ANKRD33B: variants seen among roughly 807,000 people sequenced by gnomAD.
ANKRD33B encodes the protein ankyrin repeat domain 33B, also known as ankyrin repeat domain-containing protein 33B.
A neutral mutation model predicts 21.5 loss-of-function variants in ANKRD33B; 6 were observed. That is an observed-to-expected ratio of 0.28 (90% CI 0.15 to 0.55). The LOEUF (loss-of-function observed/expected upper bound fraction) is 0.55. ANKRD33B is among the 20% of genes least tolerant of loss of function. The pLI is 0.94. For synonymous variants in ANKRD33B, 347 were observed against 342.4 expected (o/e 1.01, Z -0.15); for missense variants, 698 against 747.2 (o/e 0.93, Z 0.77).
chr5:10,650,071 G>A lies in ANKRD33B; in HGVS notation c.1443G>A (p.Ala481=), dbSNP rs1431975126. Residue 481 remains alanine (A), a synonymous_variant, in exon 4 of 4, where the codon GCG becomes GCA. Transcript: ENST00000296657. ...CCGAAAAGAAGCGCCAGGCCGAGGC[G>A]CAGAAGGAGAGGCGCACTGCGCCCT... is the stretch of plus-strand genomic sequence containing the variant. ...EEAEKKRQAE[A]QKERRTAPWK... 2.0e-6 allele frequency: 3 copies of A among 1,529,970 alleles called. No homozygotes were observed. The African/African-American group carries it at 4.1e-5, about 21-fold the overall frequency. 94.8% of individuals were successfully genotyped at this position (1,529,970 alleles called of 1,614,324 possible).
chr5:10,566,363 T>C (rs1364639831), intron 1 of ANKRD33B, among the ~76,000 whole-genome samples: 1 of 152,240 alleles, frequency 6.6e-6, no homozygotes, highest in Non-Finnish European at 1.5e-5. Context: ...TCTCAAGTTC[T>C]ACATTTGGTT....
chr5:10,605,405 A>G (rs765686447), intron 1 of ANKRD33B, among the ~76,000 whole-genome samples: 2 of 152,204 alleles, frequency 1.3e-5, no homozygotes, highest in Non-Finnish European at 2.9e-5. Flanking sequence ...CAGGGTATGG[A>G]ATGAATAAGA....
At chr5:10,605,678 G>A (rs1031790061) in intron 1 of ANKRD33B, among the ~76,000 whole-genome samples, 3 of 152,154 alleles carry the variant, frequency 2.0e-5, no homozygotes, top group Admixed American at 6.5e-5. Context: ...ACAGGCACTC[G>A]CCACCATGCC....
chr5:10,568,456 G>A (rs1392888535), intron 1 of ANKRD33B, among the ~76,000 whole-genome samples: 1 of 152,228 alleles, frequency 6.6e-6, no homozygotes. Flanking sequence ...ATGTCAGACA[G>A]CTCTTGGACT....
At chr5:10,601,269 G>A (rs1022068141) in intron 1 of ANKRD33B, among the ~76,000 whole-genome samples, 4 of 152,162 alleles carry the variant, frequency 2.6e-5, no homozygotes, top group Non-Finnish European at 2.9e-5. Context: ...AAGACCCTGC[G>A]TGGTTCTCCA....
In ANKRD33B at chr5:10,638,104, C is replaced by A. The variant is rs545140816; in HGVS notation, c.573C>A (p.Phe191Leu). The change falls in exon 3 of 4, where the codon TTC becomes TTA. Residue 191 changes from phenylalanine (F) to leucine (L), a missense_variant. Coordinates refer to ENST00000296657, the MANE Select transcript of ANKRD33B (RefSeq NM_001164440.2). ...LDLERRNAFG[F>L]TALMKAAMQG... The stretch of plus-strand genomic sequence containing the variant: ...TTGAAAGGAGGAACGCGTTCGGGTT[C>A]ACCGCCCTGATGAAAGCCGCCATGC... 1 of 1,537,518 alleles carries A rather than the reference C, an allele frequency of 6.5e-7. No homozygotes were observed. The highest frequency in any genetic ancestry group is 1.2e-5 in the South Asian group (1 of 84,062).
At chr5:10,623,215 C>T (rs760846331) in intron 2 of ANKRD33B, among the ~76,000 whole-genome samples, 1 of 152,172 alleles carries the variant, frequency 6.6e-6, no homozygotes, top group African/African-American at 2.4e-5. Flanking sequence ...GGTCTCAAAG[C>T]GTCCCCATAG....
At chr5:10,567,625 A>G (rs814579) in intron 1 of ANKRD33B, among the ~76,000 whole-genome samples, 141,983 of 152,254 alleles carry the variant, frequency 0.93, 67,042 homozygotes, top group East Asian at 1. Flanking sequence ...CCAAGCCTAC[A>G]GAACCTGGAG....
chr5:10,648,674 G>C (rs368354925), intron 3 of ANKRD33B, among the ~76,000 whole-genome samples: 2 of 152,296 alleles, frequency 1.3e-5, no homozygotes, highest in African/African-American at 4.8e-5. Context: ...CAGGAGAGTC[G>C]CTTGAACCCG....
intron 2 of ANKRD33B, among the ~76,000 whole-genome samples, chr5:10,633,259 GC>G (rs1736773919): frequency 6.6e-6 from 1 of 150,942 alleles, no homozygotes; most frequent in Admixed American, 6.6e-5. Context: ...ACGCCACCAC[GC>G]CCAGCTAATT....
At chr5:10,631,655 A>G (rs897988673) in intron 2 of ANKRD33B, among the ~76,000 whole-genome samples, 3 of 152,220 alleles carry the variant, frequency 2.0e-5, no homozygotes, top group African/African-American at 7.2e-5. Context: ...TCCATAAGCT[A>G]TGGGAGAAGC....
chr5:10,626,254 AGAG>A (rs770253721), intron 2 of ANKRD33B, among the ~76,000 whole-genome samples: 3 of 152,244 alleles, frequency 2.0e-5, no homozygotes, highest in Non-Finnish European at 4.4e-5. Context: ...AGGGCAAGGA[AGAG>A]GAGAAGCAAT....
intron 1 of ANKRD33B, among the ~76,000 whole-genome samples, chr5:10,602,626 C>T (rs984201004): frequency 1.3e-5 from 2 of 152,114 alleles, no homozygotes; most frequent in African/African-American, 2.4e-5. Flanking sequence ...TGGGAGCCTC[C>T]GGAGTGGGAA....
chr5:10,576,064 A>G lies in ANKRD33B; in HGVS notation c.366+11231A>G, dbSNP rs1735315340. ...ATTCCAGCAATGTCAAGTTCGTGGC[A>G]TTGTTATTGTACAGTAATTGTGGAA... On this transcript the variant is annotated intron_variant, in intron 1 of 3. Transcript: ENST00000296657. The surrounding 1 kb of genome is among the most constrained non-coding windows in gnomAD (Gnocchi z 4.1). 6.6e-6 allele frequency among the ~76,000 whole-genome samples: 1 copy of G among 152,184 alleles called. No individual in the cohort carries two copies. The highest frequency in any genetic ancestry group is 6.5e-5 in the Admixed American group (1 of 15,280).
chr5:10,631,025 A>G (rs6875071), intron 2 of ANKRD33B, among the ~76,000 whole-genome samples: 34,809 of 152,054 alleles, frequency 0.23, 4,077 homozygotes, highest in Middle Eastern at 0.34. Flanking sequence ...GGGTCTTATG[A>G]CCTACAGTCG....
rs1053736030 is a variant in ANKRD33B, at chr5:10,637,946, T to C, written c.497-82T>C. 5 of 1,462,732 alleles carry C rather than the reference T, an allele frequency of 3.4e-6. No homozygotes were observed. In the Admixed American group the frequency reaches 6.3e-5, roughly 19 times the overall value. 90.6% of individuals were successfully genotyped at this position (1,462,732 alleles called of 1,614,324 possible). A position where few individuals can be genotyped will look rare whatever the true frequency, so the allele number is the denominator to read the frequency against. ...GGCCCAGGGCTGACTCAGTGTTTCT[T>C]TCTCTCTCTAGGAAGGCCTGGCTGG... On this transcript the variant is annotated intron_variant, in intron 2 of 3. Coordinates refer to ENST00000296657, the MANE Select transcript of ANKRD33B (RefSeq NM_001164440.2).
Position 10,651,506 on chromosome 5 carries a change from A to G in ANKRD33B, c.*1393A>G, listed in dbSNP as rs1203793137. On this transcript the variant is annotated 3_prime_UTR_variant, in exon 4 of 4. Coordinates refer to ENST00000296657, the MANE Select transcript of ANKRD33B (RefSeq NM_001164440.2). ...TCATTATCAGATTTGCAGCATTCTA[A>G]TTCGGCAGGGCAGGGTATGAAAGCT... is the stretch of plus-strand genomic sequence containing the variant. 6.6e-6 allele frequency: 1 copy of G among 152,032 alleles called. No individual in the cohort carries two copies. 9.4% of individuals were successfully genotyped at this position (152,032 alleles called of 1,614,324 possible).
At chr5:10,649,172 G>T (rs1261243460) in intron 3 of ANKRD33B, 94 bp from the exon 4 acceptor site, 2 of 1,434,792 alleles carry the variant, frequency 1.4e-6, no homozygotes, top group East Asian at 5.0e-5. Flanking sequence ...GGGGTGGGGG[G>T]TGGGGGCAGT....
At position 10,650,899 on chromosome 5, in the gene ANKRD33B, G is replaced by C. The variant is rs1052379413; in HGVS notation, c.*786G>C. ...TAAGCAAGGGGTTTTAGGTAAACTG[G>C]ATACGAAATCTTTAACATTAAAAAT... On this transcript the variant is annotated 3_prime_UTR_variant, in exon 4 of 4. Transcript: ENST00000296657. The C allele has an allele frequency of 6.6e-6, 1 of 152,260 alleles. No homozygotes were observed. The highest frequency in any genetic ancestry group is 2.4e-5 in the African/African-American group (1 of 41,404). 9.4% of individuals were successfully genotyped at this position (152,260 alleles called of 1,614,324 possible).
Sources: allele counts gnomAD v4.1 joint callset (sites outside exome capture counted in the v4.1 genomes callset), GRCh38; gene constraint gnomAD v4.1.1; non-coding constraint Gnocchi (gnomAD v3.1); transcripts MANE v1.5; gene names NCBI Gene and HGNC (gene_info 2026-07-23, HGNC 2026-07-21).